Variants in PTPRZ1 observed in about 807,000 individuals in gnomAD.
PTPRZ1 encodes the protein receptor-type tyrosine-protein phosphatase zeta.
A neutral mutation model predicts 214.1 loss-of-function variants in PTPRZ1; 82 were observed. That is an observed-to-expected ratio of 0.38 (90% CI 0.32 to 0.46). The LOEUF is 0.46. PTPRZ1 is among the 20% of genes least tolerant of loss of function. The pLI, the probability that PTPRZ1 is intolerant of heterozygous loss-of-function variation, is 1.00. For synonymous variants in PTPRZ1, 945 were observed against 987.9 expected (o/e 0.96, Z 0.81); for missense variants, 2,603 against 2,748.7 (o/e 0.95, Z 1.19).
intron 3 of PTPRZ1, among the ~76,000 whole-genome samples, chr7:121,970,180 T>C (rs1489213684): frequency 6.6e-6 from 1 of 152,114 alleles, no homozygotes; most frequent in Non-Finnish European, 1.5e-5. Context: ...GTGTGCCACA[T>C]TTTCTTAATC....
At chr7:122,046,798 T>A (rs956689715) in intron 23 of PTPRZ1, among the ~76,000 whole-genome samples, 1 of 152,112 alleles carries the variant, frequency 6.6e-6, no homozygotes, top group East Asian at 1.9e-4. Flanking sequence ...TATTTGGCAG[T>A]TGGATACTGG....
intron 2 of PTPRZ1, among the ~76,000 whole-genome samples, chr7:121,960,132 A>G (rs894436985): frequency 1.3e-5 from 2 of 152,202 alleles, no homozygotes; most frequent in Non-Finnish European, 1.5e-5. Context: ...TCCGCCTCCC[A>G]GGTTCCAGGG....
intron 13 of PTPRZ1, among the ~76,000 whole-genome samples, chr7:122,021,414 G>A (rs1039982404): frequency 6.6e-6 from 1 of 152,040 alleles, no homozygotes; most frequent in Non-Finnish European, 1.5e-5. Flanking sequence ...TACCTTGAAT[G>A]CAGAGTGTCA....
At position 122,011,102 on chromosome 7, in the gene PTPRZ1, T is replaced by C. The variant is rs141681962; in HGVS notation, c.2056T>C (p.Ser686Pro). The change falls in exon 12 of 30, where the codon TCT (serine) becomes CCT (proline). Residue 686 changes from serine to proline, a missense_variant. Physicochemically the swap from Ser to Pro is moderately conservative, Grantham distance 74. This residue lies in a region of PTPRZ1 where 1,913 missense variants were observed against 1,914.3 expected (regional missense o/e 1.00). Coordinates refer to ENST00000393386, the MANE Select transcript of PTPRZ1 (RefSeq NM_002851.3). ...TNYTEIRVDE[S>P]EKTTKSFSAG... ...TTACACTGAGATACGTGTTGATGAATCTGAGAAGACAACCAAGTCCTTTTC... is the reference window on the plus strand; with the variant it reads ...TTACACTGAGATACGTGTTGATGAACCTGAGAAGACAACCAAGTCCTTTTC... 10 of 1,614,008 alleles carry C rather than the reference T, an allele frequency of 6.2e-6. No individual in the cohort carries two copies. In the African/African-American group the frequency reaches 1.3e-4, roughly 22 times the overall value.
rs1584634336 is a variant in PTPRZ1 at position 121,916,000 on chromosome 7, G to A, written c.59-12156G>A. Reference sequence around the variant, plus strand: ...TTTTAAGATGCTCTTTTTTGGCCAGGCGCAGTGGCTCATGCCTGTAATCCC... The same window carrying A: ...TTTTAAGATGCTCTTTTTTGGCCAGACGCAGTGGCTCATGCCTGTAATCCC... On this transcript the variant is annotated intron_variant, in intron 1 of 29. Transcript: ENST00000393386. Among the ~76,000 whole-genome samples, 3 of 152,120 alleles carry A rather than the reference G, an allele frequency of 2.0e-5. No individual in the cohort carries two copies. In the East Asian group the frequency reaches 5.8e-4, roughly 29 times the overall value.
intron 1 of PTPRZ1, among the ~76,000 whole-genome samples, chr7:121,915,788 T>TA (rs972195765): frequency 6.6e-6 from 1 of 152,184 alleles, no homozygotes; most frequent in African/African-American, 2.4e-5. Context: ...ACTTAGATGC[T>TA]AAAAAATCTA....
At chr7:122,015,721 G>T (rs1469869203) in intron 12 of PTPRZ1, among the ~76,000 whole-genome samples, 1 of 151,980 alleles carries the variant, frequency 6.6e-6, no homozygotes, top group African/African-American at 2.4e-5. Context: ...ATAATGAGAT[G>T]CTAAACCTAA....
At chr7:121,933,436 A>T (rs571219536) in intron 2 of PTPRZ1, among the ~76,000 whole-genome samples, 96 of 152,252 alleles carry the variant, frequency 6.3e-4, no homozygotes, top group African/African-American at 2.3e-3. Flanking sequence ...TGAAAATTTT[A>T]TATTGATATG....
chr7:121,963,447 A>G lies in PTPRZ1; in HGVS notation c.125-4504A>G, dbSNP rs1584688001. Reference sequence around the variant, plus strand: ...TTGGATGTTGAAATAATGAATAAGCATAAGACTCCCTTTTTGGGAGTTTTA... The same window carrying G: ...TTGGATGTTGAAATAATGAATAAGCGTAAGACTCCCTTTTTGGGAGTTTTA... On this transcript the variant is annotated intron_variant, in intron 2 of 29. Transcript: ENST00000393386. Among the ~76,000 whole-genome samples the G allele has an allele frequency of 3.3e-5, 5 of 152,104 alleles. No individual in the cohort carries two copies. In the South Asian group the frequency reaches 1.0e-3, roughly 32 times the overall value.
intron 4 of PTPRZ1, among the ~76,000 whole-genome samples, chr7:121,975,586 C>T (rs1797404598): frequency 6.6e-6 from 1 of 152,172 alleles, no homozygotes; most frequent in South Asian, 2.1e-4. Context: ...AAGTCTACTT[C>T]TATCTAGCCT....
At chr7:121,916,205 C>T (rs1279389146) in intron 1 of PTPRZ1, among the ~76,000 whole-genome samples, 1 of 145,558 alleles carries the variant, frequency 6.9e-6, no homozygotes, top group South Asian at 2.1e-4. Context: ...ACCTGGGAGC[C>T]GGAGGTTGCA....
intron 6 of PTPRZ1, among the ~76,000 whole-genome samples, chr7:121,979,069 T>G (rs991850289): frequency 8.2e-4 from 4 of 4,864 alleles, no homozygotes; most frequent in Admixed American, 7.5e-3. Context: ...ATGTAAGTTA[T>G]TAAAAAAAAA....
rs185143309 is a variant in PTPRZ1 at position 121,973,707 on chromosome 7, G to C, written c.456+1015G>C. ...CCAGCACTTCGGGAGGCCGAGATGGGCAGATCACTAGAGGTCAGGAGTTCC... is the reference window on the plus strand; with the variant it reads ...CCAGCACTTCGGGAGGCCGAGATGGCCAGATCACTAGAGGTCAGGAGTTCC... On this transcript the variant is annotated intron_variant, in intron 4 of 29. Coordinates refer to ENST00000393386, the MANE Select transcript of PTPRZ1 (RefSeq NM_002851.3). 3.0e-3 allele frequency among the ~76,000 whole-genome samples: 455 copies of C among 152,230 alleles called. 1 individual carries two copies. The highest frequency in any genetic ancestry group is 5.2e-3 in the Non-Finnish European group (352 of 68,026).
chr7:121,923,992 GCT>G (rs1476074193), intron 1 of PTPRZ1, among the ~76,000 whole-genome samples: 1 of 151,948 alleles, frequency 6.6e-6, no homozygotes, highest in Non-Finnish European at 1.5e-5. Context: ...AGGTTAGAAA[GCT>G]ACTTCATGAA....
chr7:122,040,594 C>A (rs546092494), intron 20 of PTPRZ1, among the ~76,000 whole-genome samples: 52 of 152,250 alleles, frequency 3.4e-4, no homozygotes, highest in African/African-American at 1.2e-3. Context: ...TTAGTGTTGA[C>A]CAAACAATGG....
chr7:121,958,302 T>A (rs1796772682), intron 2 of PTPRZ1, among the ~76,000 whole-genome samples: 1 of 152,332 alleles, frequency 6.6e-6, no homozygotes, highest in East Asian at 1.9e-4. Context: ...TTAGACGGTC[T>A]CTGCTGTGTA....
chr7:121,878,224 A>G (rs1794120710), intron 1 of PTPRZ1, among the ~76,000 whole-genome samples: 1 of 152,238 alleles, frequency 6.6e-6, no homozygotes, highest in Non-Finnish European at 1.5e-5. Context: ...TTATTAAAAT[A>G]AAACAATTCA....
chr7:121,977,709 ATTT>A (rs767899317), intron 6 of PTPRZ1, among the ~76,000 whole-genome samples: 2 of 137,168 alleles, frequency 1.5e-5, no homozygotes, highest in African/African-American at 2.7e-5. Flanking sequence ...GGTAGCTTTT[ATTT>A]TTTTTTTTTT....
chr7:121,976,106 A>G (rs1797424498), intron 4 of PTPRZ1, 67 bp from the exon 5 acceptor site: 2 of 1,076,654 alleles, frequency 1.9e-6, no homozygotes, highest in African/African-American at 3.0e-5. Context: ...CTTAGAATGT[A>G]GAATTCTCTT....
Sources: allele counts gnomAD v4.1 joint callset (sites outside exome capture counted in the v4.1 genomes callset), GRCh38; gene constraint gnomAD v4.1.1; regional missense constraint gnomAD v4.1.1; transcripts MANE v1.5; gene names NCBI Gene and HGNC (gene_info 2026-07-23, HGNC 2026-07-21).